The following TRPM1 variants were observed in gnomAD, a reference collection of about 807,000 sequenced individuals.
The protein encoded by TRPM1 is transient receptor potential cation channel subfamily M member 1, also known as TRPM1-203 APA Isoform, Intron 10.
A neutral mutation model predicts 149.4 loss-of-function variants in TRPM1; 113 were observed. That is an observed-to-expected ratio of 0.76 (90% CI 0.65 to 0.88). TRPM1 has a LOEUF of 0.88. Ranked by LOEUF, TRPM1 falls within the 40% of genes least tolerant of loss-of-function variation. The pLI, the probability that TRPM1 is intolerant of heterozygous loss-of-function variation, is 0.00. For missense variants in TRPM1, 1,976 were observed against 2,038.7 expected (o/e 0.97, Z 0.59); for synonymous variants, 741 against 759.5 (o/e 0.98, Z 0.40).
chr15:31,086,747 CT>C (rs2035011343), intron 1 of TRPM1, among the ~76,000 whole-genome samples: 2 of 152,222 alleles, frequency 1.3e-5, no homozygotes, highest in East Asian at 1.9e-4. Flanking sequence ...CATTTCTCCC[CT>C]GGTCTAAGGG....
upstream of TRPM1, among the ~76,000 whole-genome samples, chr15:31,102,098 G>T (rs2035529090): frequency 6.6e-6 from 1 of 152,242 alleles, no homozygotes; most frequent in Non-Finnish European, 1.5e-5. Flanking sequence ...CCGGGGAGCT[G>T]GGAGAAGGCG....
At chr15:31,120,444 T>C (rs973153926) in intron 1 of TRPM1, among the ~76,000 whole-genome samples, 3 of 152,200 alleles carry the variant, frequency 2.0e-5, no homozygotes, top group African/African-American at 7.2e-5. Flanking sequence ...AAAAATCCAC[T>C]GTTGTAGTAG....
At chr15:31,062,078 G>A (rs1426008952) in intron 9 of TRPM1, among the ~76,000 whole-genome samples, 3 of 152,162 alleles carry the variant, frequency 2.0e-5, no homozygotes, top group Non-Finnish European at 4.4e-5. Flanking sequence ...CTCGAGAGGA[G>A]GGAGCTACAC....
chr15:31,050,665 CTGTA>C (rs2033923486), intron 11 of TRPM1, 83 bp from the exon 12 acceptor site: 1 of 1,467,250 alleles, frequency 6.8e-7, no homozygotes, highest in Admixed American at 1.7e-5. Context: ...CCTCCCACCT[CTGTA>C]TGTGCACACA....
At chr15:31,051,391 A>G (rs567058034) in intron 11 of TRPM1, among the ~76,000 whole-genome samples, 24 of 152,022 alleles carry the variant, frequency 1.6e-4, no homozygotes, top group African/African-American at 2.7e-4. Context: ...CTCTCTTCCT[A>G]TCTCTCCTGC....
intron 1 of TRPM1, among the ~76,000 whole-genome samples, chr15:31,088,749 A>G (rs552831810): frequency 2.0e-5 from 3 of 147,666 alleles, no homozygotes; most frequent in Non-Finnish European, 3.0e-5. Context: ...TCTTCCTGCT[A>G]CCTGTGGGAA....
intron 16 of TRPM1, among the ~76,000 whole-genome samples, chr15:31,045,571 G>A (rs933089951): frequency 1.3e-5 from 2 of 152,138 alleles, no homozygotes; most frequent in African/African-American, 2.4e-5. Flanking sequence ...AGTAGATGAC[G>A]CCAATGATAT....
intron 1 of TRPM1, among the ~76,000 whole-genome samples, chr15:31,141,692 T>C (rs2036164823): frequency 6.6e-6 from 1 of 152,196 alleles, no homozygotes; most frequent in Admixed American, 6.5e-5. Flanking sequence ...TGATTGGTTA[T>C]TGTAATATGA....
In TRPM1 at chr15:31,004,645, C is replaced by T. The variant is rs76892158; in HGVS notation, c.3630-1575G>A. Among the ~76,000 whole-genome samples the T allele has an allele frequency of 6.2e-3, 936 of 152,188 alleles. 23 individuals carry two copies. The highest frequency in any genetic ancestry group is 0.052 in the East Asian group (271 of 5,190). ...TGCCACCAGGGAGGACCAAATTCAC[C>T]ATGCATGAGAAGTCCTGGCTTCCTT... On this transcript the variant is annotated intron_variant, in intron 27 of 27. Coordinates refer to ENST00000256552, the MANE Select transcript of TRPM1 (RefSeq NM_001252024.2).
Position 31,067,913 on chromosome 15 carries a change from G to C in TRPM1, c.459C>G (p.Thr153=), listed in dbSNP as rs753193614. The C allele has an allele frequency of 2.5e-6, 4 of 1,613,650 alleles. No individual in the cohort carries two copies. In the South Asian group the frequency reaches 4.4e-5, roughly 18 times the overall value. ...CACCCCCGGTGAAGATCCAGGCCCCGGTGGTCATAGCAGCCTTGATCAGGC... is the reference window on the plus strand; with the variant it reads ...CACCCCCGGTGAAGATCCAGGCCCCCGTGGTCATAGCAGCCTTGATCAGGC... ...GKGLIKAAMT[T]GAWIFTGGVS... The change falls in exon 5 of 28, where the codon ACC becomes ACG. Residue 153 remains threonine, a synonymous_variant. Coordinates refer to ENST00000256552, the MANE Select transcript of TRPM1 (RefSeq NM_001252024.2).
chr15:31,141,446 T>C (rs1267791251), intron 1 of TRPM1, among the ~76,000 whole-genome samples: 1 of 152,170 alleles, frequency 6.6e-6, no homozygotes, highest in Non-Finnish European at 1.5e-5. Flanking sequence ...ACTAATTTCA[T>C]CTAACTTGGA....
At chr15:31,087,331 G>A (rs531563423) in intron 1 of TRPM1, among the ~76,000 whole-genome samples, 8 of 128,740 alleles carry the variant, frequency 6.2e-5, no homozygotes, top group African/African-American at 1.5e-4. Flanking sequence ...AGCAAGCTCC[G>A]CCTCCCGGGT....
intron 12 of TRPM1, 112 bp from the exon 13 acceptor site, chr15:31,049,621 T>A: frequency 8.4e-7 from 1 of 1,194,838 alleles, no homozygotes; most frequent in Non-Finnish European, 1.2e-6. Context: ...TCCAGAGCAC[T>A]CCAGCATGGT....
At chr15:31,099,288 C>T (rs186820111) in intron 1 of TRPM1, among the ~76,000 whole-genome samples, 3 of 152,200 alleles carry the variant, frequency 2.0e-5, no homozygotes, top group East Asian at 3.9e-4. Flanking sequence ...GGTTTTAAGA[C>T]GTTAAATCCC....
chr15:31,002,057 G>C lies in TRPM1; in HGVS notation c.4643C>G (p.Thr1548Ser). The C allele has an allele frequency of 1.2e-6, 2 of 1,614,222 alleles. No homozygotes were observed. Among genetic ancestry groups the C allele is most frequent in the African/African-American group, 1.3e-5 (1 of 75,044 alleles). The change falls in exon 28 of 28, where the codon ACT (threonine) becomes AGT (serine). Residue 1548 changes from threonine (T) to serine (S), a missense_variant. Physicochemically the swap from Thr to Ser is moderately conservative, Grantham distance 58 (BLOSUM62 1). This residue lies in a region of TRPM1 where 572 missense variants were observed against 578.9 expected (regional missense o/e 0.99). Transcript: ENST00000256552. The stretch of plus-strand genomic sequence containing the variant: ...TAAGTTTTCCATCCCATTTCTGTCA[G>C]TAATGGTTAGGGACAAGCGAGGGAT... ...PRIPRLSLTITDRNGMENLLS... is the reference protein window; with the variant it reads ...PRIPRLSLTISDRNGMENLLS...
At position 31,149,701 on chromosome 15, in the gene TRPM1, A is replaced by C. The variant is rs573168170; in HGVS notation, c.54+11205T>G. Among the ~76,000 whole-genome samples, 742 of 152,128 alleles carry C rather than the reference A, an allele frequency of 4.9e-3. 4 individuals are homozygous for C. The highest frequency in any genetic ancestry group is 8.5e-3 in the Non-Finnish European group (575 of 67,960). ...CGCCTGGCTAATTTTTTGTATTTTT[A>C]GTAGAGACGGGGTTTCACCGTGTTA... On this transcript the variant is annotated intron_variant, in intron 1 of 26. Coordinates refer to the TRPM1 transcript ENST00000542188.
At chr15:31,158,769 CT>C (rs2036410087) in intron 1 of TRPM1, among the ~76,000 whole-genome samples, 1 of 151,996 alleles carries the variant, frequency 6.6e-6, no homozygotes, top group African/African-American at 2.4e-5. Context: ...GAGATGTGTT[CT>C]GCTACAAGGG....
intron 27 of TRPM1, among the ~76,000 whole-genome samples, chr15:31,023,582 T>C (rs762539645): frequency 1.3e-5 from 2 of 151,964 alleles, no homozygotes; most frequent in Non-Finnish European, 2.9e-5. Context: ...GGGGTAGGGA[T>C]GAAAAAAATA....
chr15:31,138,944 C>T lies in TRPM1; in HGVS notation c.54+21962G>A, dbSNP rs1164235179. ...TACATTTAAAAAAAAAATGACTTAC[C>T]TTTGTATAAGGTGCTTTGGCTGGCC... On this transcript the variant is annotated intron_variant, in intron 1 of 26. Coordinates refer to the TRPM1 transcript ENST00000542188. Among the ~76,000 whole-genome samples the T allele has an allele frequency of 3.0e-4, 46 of 151,868 alleles. 1 individual carries two copies. Among genetic ancestry groups the T allele is most frequent in the Admixed American group, 2.9e-3 (44 of 15,236 alleles).
Sources: gnomAD v4.1 joint callset for allele counts (sites outside exome capture counted in the v4.1 genomes callset) on GRCh38, gnomAD v4.1.1 for gene constraint, gnomAD v4.1.1 regional missense constraint, MANE v1.5 for transcripts, NCBI Gene and HGNC (gene_info 2026-07-23, HGNC 2026-07-21) for gene names.